ATXN7L1: variants seen among roughly 807,000 people sequenced by gnomAD.
ATXN7L1 encodes the protein ataxin-7-like protein 1.
ATXN7L1 carries 15 observed loss-of-function variants against 70.8 expected under a neutral mutation model. The ratio of observed to expected loss-of-function variants is 0.21; its 90% CI spans 0.14 to 0.33. The LOEUF (loss-of-function observed/expected upper bound fraction) is 0.33, where lower values mean the gene tolerates loss of function less well. Among genes scored for constraint, ATXN7L1 ranks in the 10% least tolerant of loss-of-function variants. The pLI is 1.00. For missense variants in ATXN7L1, 975 were observed against 1,097.1 expected, an observed-to-expected ratio of 0.89 and a Z score of 1.57; for synonymous variants, 440 against 445.1, an observed-to-expected ratio of 0.99 and a Z score of 0.14.
At chr7:105,652,194 CA>C (rs1799953840) in intron 4 of ATXN7L1, among the ~76,000 whole-genome samples, 3 of 152,166 alleles carry the variant, frequency 2.0e-5, no homozygotes, top group Non-Finnish European at 4.4e-5. Flanking sequence ...CCTTTGGGAC[CA>C]GCTGTGTCTG....
chr7:105,638,460 T>C lies in ATXN7L1; in HGVS notation c.1095A>G (p.Gln365=), dbSNP rs1208782503. 8.4e-6 allele frequency: 13 copies of C among 1,552,334 alleles called. No homozygotes were observed. Among genetic ancestry groups the C allele is most frequent in the Admixed American group, 3.9e-5 (2 of 51,004 alleles). The change falls in exon 7 of 12, where the codon CAA becomes CAG. Residue 365 remains glutamine (Q), a synonymous_variant. Coordinates refer to ENST00000419735, the MANE Select transcript of ATXN7L1 (RefSeq NM_020725.2). ...LTSTREILPS[Q]SGPAQDSLLG... is the part of the protein sequence containing the mutation. ...GCAGAGAATCCTGTGCCGGCCCGGA[T>C]TGGCTTGGAAGTATTTCCCTCGTGG...
At chr7:105,772,607 T>C (rs1584967660) in intron 3 of ATXN7L1, among the ~76,000 whole-genome samples, 3 of 152,128 alleles carry the variant, frequency 2.0e-5, no homozygotes, top group African/African-American at 7.2e-5. Flanking sequence ...TAAGCTTACA[T>C]ATACCCAACA....
intron 2 of ATXN7L1, among the ~76,000 whole-genome samples, chr7:105,852,280 C>A (rs752406135): frequency 6.6e-6 from 1 of 152,162 alleles, no homozygotes; most frequent in Non-Finnish European, 1.5e-5. Context: ...TGTAATTGCA[C>A]AAGGTTGCCC....
rs774118207 is a variant in ATXN7L1, at chr7:105,607,850, T to C, written c.*2A>G. 60 of 1,551,688 alleles carry C rather than the reference T, an allele frequency of 3.9e-5. No homozygotes were observed. The South Asian group carries it at 7.0e-4, about 18-fold the overall frequency. On this transcript the variant is annotated 3_prime_UTR_variant, in exon 12 of 12. Transcript: ENST00000419735. ...TGATGTGGAAGTGGCTTCATAGTCT[T>C]GTTATGGAAGAGTCCTTATCCTGCC...
chr7:105,793,920 G>A (rs953989667), intron 2 of ATXN7L1, among the ~76,000 whole-genome samples: 13 of 152,002 alleles, frequency 8.6e-5, no homozygotes, highest in African/African-American at 2.7e-4. Context: ...ACCCCAACCC[G>A]CTATAGACAT....
In ATXN7L1 at chr7:105,750,966, G is replaced by GT. The variant is rs541709268; in HGVS notation, c.355+37637dup. 7.2e-5 allele frequency among the ~76,000 whole-genome samples: 11 copies of GT among 152,298 alleles called. No homozygotes were observed. In the South Asian group the frequency reaches 2.3e-3, roughly 32 times the overall value. ...CTGCAACCCACTTTCGTTGCTTCAA[G>GT]TTGACTGGCTGCCTCACTGTTGTTT... On this transcript the variant is annotated intron_variant, in intron 3 of 11. Transcript: ENST00000419735.
intron 3 of ATXN7L1, among the ~76,000 whole-genome samples, chr7:105,784,340 G>A (rs367611521): frequency 3.9e-5 from 6 of 152,040 alleles, no homozygotes; most frequent in Non-Finnish European, 8.8e-5. Flanking sequence ...AATCCCCTTG[G>A]TATGGAAAAC....
At chr7:105,610,745 C>T (rs939983366) in intron 10 of ATXN7L1, 142 bp from the exon 11 acceptor site, 1 of 703,822 alleles carries the variant, frequency 1.4e-6, no homozygotes. Flanking sequence ...GTGTTTCCAT[C>T]TTAAGTGGCA....
chr7:105,813,935 G>C (rs1808816563), intron 2 of ATXN7L1, among the ~76,000 whole-genome samples: 1 of 152,044 alleles, frequency 6.6e-6, no homozygotes, highest in Admixed American at 6.5e-5. Context: ...CCTCCCACCA[G>C]TATGAGTCCC....
intron 3 of ATXN7L1, among the ~76,000 whole-genome samples, chr7:105,702,537 AGACC>A (rs1335872345): frequency 1.9e-4 from 26 of 136,606 alleles, no homozygotes; most frequent in African/African-American, 8.3e-4. Flanking sequence ...ACACACACAC[AGACC>A]CACAACACAC....
At chr7:105,862,923 C>CA (rs1431782344) in intron 2 of ATXN7L1, among the ~76,000 whole-genome samples, 3 of 152,144 alleles carry the variant, frequency 2.0e-5, no homozygotes, top group African/African-American at 7.2e-5. Context: ...ACTGCCCTCT[C>CA]AGAGACAGTG....
chr7:105,663,902 T>C (rs1802107357), intron 4 of ATXN7L1, among the ~76,000 whole-genome samples: 1 of 152,130 alleles, frequency 6.6e-6, no homozygotes, highest in South Asian at 2.1e-4. Context: ...CCCCAGTAGC[T>C]GGGATTACAG....
chr7:105,759,763 T>C (rs1283753992), intron 3 of ATXN7L1, among the ~76,000 whole-genome samples: 1 of 152,226 alleles, frequency 6.6e-6, no homozygotes, highest in South Asian at 2.1e-4. Flanking sequence ...GTGTATTTTC[T>C]TATTCTCTGA....
intron 3 of ATXN7L1, among the ~76,000 whole-genome samples, chr7:105,738,404 C>T (rs1302446068): frequency 3.3e-5 from 5 of 152,224 alleles, no homozygotes; most frequent in African/African-American, 1.2e-4. Flanking sequence ...ATGAATACTT[C>T]AAGGTCTAGC....
At chr7:105,801,299 G>A (rs1426620228) in intron 2 of ATXN7L1, among the ~76,000 whole-genome samples, 1 of 152,158 alleles carries the variant, frequency 6.6e-6, no homozygotes, top group Non-Finnish European at 1.5e-5. Flanking sequence ...ACCACAGGGT[G>A]AGCAAACAGT....
intron 2 of ATXN7L1, among the ~76,000 whole-genome samples, chr7:105,833,128 C>T (rs972143482): frequency 4.6e-5 from 7 of 152,210 alleles, no homozygotes; most frequent in African/African-American, 9.6e-5. Context: ...TCTGCCTCCC[C>T]CTCTGACCTC....
intron 2 of ATXN7L1, among the ~76,000 whole-genome samples, chr7:105,867,716 A>G (rs563545483): frequency 2.7e-4 from 41 of 152,332 alleles, no homozygotes; most frequent in African/African-American, 9.6e-4. Context: ...ATGGACAGAT[A>G]TTGGCAGAAT....
chr7:105,780,715 A>G (rs1386083339), intron 3 of ATXN7L1, among the ~76,000 whole-genome samples: 1 of 152,190 alleles, frequency 6.6e-6, no homozygotes, highest in Non-Finnish European at 1.5e-5. Context: ...TGCCTTTAAA[A>G]AAAAATTATT....
chr7:105,724,435 G>A (rs1469660323), intron 3 of ATXN7L1, among the ~76,000 whole-genome samples: 2 of 151,876 alleles, frequency 1.3e-5, no homozygotes, highest in Non-Finnish European at 2.9e-5. Context: ...TTAGCTGGGT[G>A]TGGTGGTGCA....
Sources: allele counts gnomAD v4.1 joint callset (sites outside exome capture counted in the v4.1 genomes callset), GRCh38; gene constraint gnomAD v4.1.1; transcripts MANE v1.5; gene names NCBI Gene and HGNC (gene_info 2026-07-23, HGNC 2026-07-21).